PIGL: variants seen among roughly 807,000 people sequenced by gnomAD.
The protein encoded by PIGL is phosphatidylinositol glycan anchor biosynthesis class L, also known as N-acetylglucosaminyl-phosphatidylinositol de-N-acetylase.
In PIGL, 22 loss-of-function variants were observed where a neutral mutation model predicts 31.1. That is an observed-to-expected ratio of 0.71 (90% CI 0.51 to 1.01). PIGL has a LOEUF of 1.01. Ranked by LOEUF, PIGL falls within the 50% of genes least tolerant of loss-of-function variation. The probability of loss-of-function intolerance (pLI) is 0.00; values close to 1 mark genes in which losing one functional copy is unlikely to be tolerated. For synonymous variants in PIGL, 131 were observed against 117.4 expected, an observed-to-expected ratio of 1.12 and a Z score of -0.75; for missense variants, 302 against 315.9, an observed-to-expected ratio of 0.96 and a Z score of 0.33.
chr17:16,306,522 C>CTTTTTTTTTTTTTTTTTTTTTTTTT, intron 3 of PIGL, among the ~76,000 whole-genome samples: 1 of 113,672 alleles, frequency 8.8e-6, no homozygotes, highest in Non-Finnish European at 1.7e-5. Flanking sequence ...GTTATACGAT[C>CTTTTTTTTTTTTTTTTTTTTTTTTT]TTTTTTTTTT....
At chr17:16,298,341 C>T (rs2092991131) in intron 2 of PIGL, among the ~76,000 whole-genome samples, 1 of 152,106 alleles carries the variant, frequency 6.6e-6, no homozygotes. Context: ...CTCTCAGTAG[C>T]ATTATGGGTG....
At chr17:16,241,669 A>G (rs1260108500) in intron 2 of PIGL, among the ~76,000 whole-genome samples, 1 of 152,162 alleles carries the variant, frequency 6.6e-6, no homozygotes. Context: ...ACCACAAACT[A>G]TAATGAGGAG....
rs1464402780 is a variant in PIGL, at chr17:16,272,060, T to C, written c.336-27828T>C. 2.6e-5 allele frequency among the ~76,000 whole-genome samples: 4 copies of C among 152,292 alleles called. No homozygotes were observed. The East Asian group carries it at 7.7e-4, about 29-fold the overall frequency. ...TCAAATTTTAACTGGCATCTGCTAT[T>C]GGCAACCCTAACCCCAAAGCCATTG... On this transcript the variant is annotated intron_variant, in intron 2 of 6. Coordinates refer to ENST00000225609, the MANE Select transcript of PIGL (RefSeq NM_004278.4).
intron 2 of PIGL, among the ~76,000 whole-genome samples, chr17:16,271,126 T>A (rs1037638997): frequency 6.6e-6 from 1 of 152,242 alleles, no homozygotes; most frequent in Non-Finnish European, 1.5e-5. Context: ...AATTTCATTA[T>A]GTCTCCTAAA....
intron 1 of PIGL, 163 bp downstream of exon 1, chr17:16,217,624 G>GAGATCTACAC: frequency 5.4e-6 from 3 of 556,078 alleles, no homozygotes; most frequent in South Asian, 5.6e-5. Flanking sequence ...AGGAGCGGCC[G>GAGATCTACAC]GCTTACCTGG....
chr17:16,220,838 G>T (rs1016597378), intron 1 of PIGL, among the ~76,000 whole-genome samples: 1 of 152,012 alleles, frequency 6.6e-6, no homozygotes, highest in Non-Finnish European at 1.5e-5. Context: ...TCACCATGGC[G>T]GCCAAACTGG....
intron 6 of PIGL, among the ~76,000 whole-genome samples, chr17:16,325,142 G>C (rs1372253596): frequency 6.6e-6 from 1 of 151,900 alleles, no homozygotes; most frequent in Non-Finnish European, 1.5e-5. Flanking sequence ...TCAGGAGATC[G>C]AGACTATCCT....
At chr17:16,239,540 T>G (rs748307648) in intron 2 of PIGL, among the ~76,000 whole-genome samples, 1 of 151,946 alleles carries the variant, frequency 6.6e-6, no homozygotes, top group Non-Finnish European at 1.5e-5. Context: ...TTAGGTGAGC[T>G]GTGAACAAAT....
At chr17:16,323,391 G>A (rs954697341) in intron 6 of PIGL, among the ~76,000 whole-genome samples, 5 of 151,490 alleles carry the variant, frequency 3.3e-5, no homozygotes, top group Non-Finnish European at 7.4e-5. Flanking sequence ...GTGCCACCAC[G>A]CCTGGCTAAT....
chr17:16,247,604 C>T (rs2092754108), intron 2 of PIGL, among the ~76,000 whole-genome samples: 2 of 152,214 alleles, frequency 1.3e-5, no homozygotes, highest in Non-Finnish European at 2.9e-5. Context: ...TCCAAGCCCT[C>T]TGGAGCCTGT....
chr17:16,322,473 A>G (rs2093110326), intron 6 of PIGL, among the ~76,000 whole-genome samples: 1 of 152,170 alleles, frequency 6.6e-6, no homozygotes, highest in Non-Finnish European at 1.5e-5. Context: ...ATACTTTAAT[A>G]CTATTAATTT....
intron 1 of PIGL, among the ~76,000 whole-genome samples, chr17:16,223,367 A>G (rs1239342912): frequency 2.0e-5 from 3 of 152,100 alleles, no homozygotes; most frequent in South Asian, 2.1e-4. Flanking sequence ...TCACAAGGTC[A>G]GGAGTTCGAG....
At chr17:16,290,881 T>C (rs1279896388) in intron 2 of PIGL, among the ~76,000 whole-genome samples, 1 of 152,104 alleles carries the variant, frequency 6.6e-6, no homozygotes. Context: ...GGTCTCACTA[T>C]GTTGCCCAGG....
At chr17:16,237,101 CTTTTTTT>C (rs71150281) in intron 2 of PIGL, among the ~76,000 whole-genome samples, 3 of 58,120 alleles carry the variant, frequency 5.2e-5, no homozygotes, top group Non-Finnish European at 9.7e-5. Context: ...CCACACCTGG[CTTTTTTT>C]TTTTTTTTTT....
chr17:16,236,168 T>G (rs1449143491), intron 2 of PIGL, among the ~76,000 whole-genome samples: 2 of 152,182 alleles, frequency 1.3e-5, no homozygotes, highest in Non-Finnish European at 2.9e-5. Context: ...TTCCCCTTAA[T>G]TGACATTTTT....
chr17:16,314,047 T>C (rs1212059614), intron 4 of PIGL, among the ~76,000 whole-genome samples: 1 of 152,208 alleles, frequency 6.6e-6, no homozygotes, highest in Non-Finnish European at 1.5e-5. Context: ...TTTATACAAC[T>C]CTCAAATCTT....
intron 1 of PIGL, among the ~76,000 whole-genome samples, chr17:16,219,071 T>C (rs1205996985): frequency 6.7e-6 from 1 of 150,102 alleles, no homozygotes; most frequent in Non-Finnish European, 1.5e-5. Context: ...ATAAATTTTT[T>C]TTTTTTTTTT....
chr17:16,217,425 C>T lies in PIGL; in HGVS notation c.199C>T (p.Leu67=), dbSNP rs1481306323. 2.5e-6 allele frequency: 4 copies of T among 1,614,062 alleles called. No homozygotes were observed. The African/African-American group carries it at 5.3e-5, about 22-fold the overall frequency. The change falls in exon 1 of 7, where the codon CTA becomes TTA. Residue 67 remains leucine, a synonymous_variant. Coordinates refer to ENST00000225609, the MANE Select transcript of PIGL (RefSeq NM_004278.4). ...FAPTVLGLAR[L]RHWVYLLCFS... ...TCCCACAGTGCTAGGCTTGGCCCGC[C>T]TAAGGCACTGGGTGTACCTGCTTTG...
intron 6 of PIGL, among the ~76,000 whole-genome samples, chr17:16,321,487 G>C (rs1202014736): frequency 3.3e-5 from 5 of 151,714 alleles, no homozygotes; most frequent in Non-Finnish European, 1.5e-5. Flanking sequence ...TGATCCACCC[G>C]CCTTGGCCTT....
Sources: allele counts gnomAD v4.1 joint callset (sites outside exome capture counted in the v4.1 genomes callset), GRCh38; gene constraint gnomAD v4.1.1; transcripts MANE v1.5; gene names NCBI Gene and HGNC (gene_info 2026-07-23, HGNC 2026-07-21).